Variants in PDE4D observed in about 807,000 individuals in gnomAD.
The protein encoded by PDE4D is phosphodiesterase 4D, also known as 3',5'-cyclic-AMP phosphodiesterase 4D.
A neutral mutation model predicts 87.4 loss-of-function variants in PDE4D; 24 were observed. The ratio of observed to expected loss-of-function variants is 0.27; its 90% confidence interval spans 0.20 to 0.39. The LOEUF (loss-of-function observed/expected upper bound fraction) is 0.39. Among genes scored for constraint, PDE4D ranks in the 10% least tolerant of loss-of-function variants. The probability of loss-of-function intolerance (pLI) is 1.00; values close to 1 mark genes in which losing one functional copy is unlikely to be tolerated. For missense variants in PDE4D, 714 were observed against 1,041.0 expected, an observed-to-expected ratio of 0.69 and a Z score of 4.32; for synonymous variants, 384 against 383.2, an observed-to-expected ratio of 1.00 and a Z score of -0.02.
chr5:60,250,942 G>T (rs1748368595), intron 1 of PDE4D, among the ~76,000 whole-genome samples: 1 of 151,920 alleles, frequency 6.6e-6, no homozygotes. Context: ...GAAGGTGAAA[G>T]ACAGTGATAT....
At chr5:60,316,738 G>A (rs1157693587) in intron 1 of PDE4D, among the ~76,000 whole-genome samples, 1 of 152,122 alleles carries the variant, frequency 6.6e-6, no homozygotes, top group Non-Finnish European at 1.5e-5. Flanking sequence ...TGCATCTATT[G>A]AGATAATCAT....
Position 60,073,091 on chromosome 5 carries a change from G to C in PDE4D, c.43-84374C>G, listed in dbSNP as rs1185650734. On this transcript the variant is annotated intron_variant, in intron 2 of 16. Coordinates refer to the PDE4D transcript ENST00000502484. ...GAAAGGGCGTCTTTGTCTTGTGCTG[G>C]TTTTCAAGTGGAATGCTTCAAGCTT... Among the ~76,000 whole-genome samples the C allele has an allele frequency of 2.0e-5, 3 of 152,114 alleles. No homozygotes were observed. In the East Asian group the frequency reaches 5.8e-4, roughly 29 times the overall value.
intron 1 of PDE4D, among the ~76,000 whole-genome samples, chr5:59,588,011 G>A (rs905900662): frequency 4.6e-5 from 7 of 152,140 alleles, no homozygotes; most frequent in Non-Finnish European, 1.0e-4. Flanking sequence ...AAAAAGCACC[G>A]GGGTGGGGAA....
At chr5:59,467,511 T>A (rs1028331585) in intron 1 of PDE4D, among the ~76,000 whole-genome samples, 5 of 152,242 alleles carry the variant, frequency 3.3e-5, no homozygotes, top group Non-Finnish European at 7.3e-5. Context: ...TAAATGTTAA[T>A]GTATTTTTAA....
intron 5 of PDE4D, among the ~76,000 whole-genome samples, chr5:59,126,144 A>G (rs1164608753): frequency 6.6e-6 from 1 of 151,948 alleles, no homozygotes; most frequent in Non-Finnish European, 1.5e-5. Context: ...CAAGGAAGAA[A>G]GGAAAAAAGG....
intron 1 of PDE4D, among the ~76,000 whole-genome samples, chr5:59,246,258 C>A (rs1561801816): frequency 6.6e-6 from 1 of 151,964 alleles, no homozygotes; most frequent in Non-Finnish European, 1.5e-5. Context: ...CTGAGGCAAA[C>A]CTCTCTGAGG....
chr5:59,077,578 C>T (rs1206421999), intron 5 of PDE4D, among the ~76,000 whole-genome samples: 1 of 150,772 alleles, frequency 6.6e-6, no homozygotes, highest in Non-Finnish European at 1.5e-5. Flanking sequence ...TAGGGATTCT[C>T]TGCATCAGCC....
At chr5:59,078,509 CT>C (rs542270740) in intron 5 of PDE4D, among the ~76,000 whole-genome samples, 415 of 135,722 alleles carry the variant, frequency 3.1e-3, no homozygotes, top group Middle Eastern at 3.7e-3. Context: ...AGGTAGGACT[CT>C]TTTTTTTTTT....
At chr5:60,077,845 G>T (rs1442852075) in intron 2 of PDE4D, among the ~76,000 whole-genome samples, 1 of 152,160 alleles carries the variant, frequency 6.6e-6, no homozygotes, top group Non-Finnish European at 1.5e-5. Context: ...AGATCCATGC[G>T]AGAGTGGATC....
chr5:59,740,337 T>C (rs1252657626), intron 1 of PDE4D, among the ~76,000 whole-genome samples: 1 of 152,196 alleles, frequency 6.6e-6, no homozygotes, highest in African/African-American at 2.4e-5. Flanking sequence ...CCTGGAACAG[T>C]CATCCTTTTT....
At chr5:59,796,311 GA>G (rs1223758201) in intron 1 of PDE4D, among the ~76,000 whole-genome samples, 1 of 151,872 alleles carries the variant, frequency 6.6e-6, no homozygotes, top group Non-Finnish European at 1.5e-5. Flanking sequence ...TCTAGAAAAG[GA>G]AAAAAAATGA....
rs1001262053 is a variant in PDE4D at position 60,195,229 on chromosome 5, T to A, written c.-89-9542A>T. ...GCCAGCCTGACCTAACATCCCTTTT[T>A]ACTCCCTCCATAATGCCTCCTGAAT... On this transcript the variant is annotated intron_variant, in intron 1 of 16. Coordinates refer to the PDE4D transcript ENST00000502484. Among the ~76,000 whole-genome samples the A allele has an allele frequency of 2.0e-5, 3 of 151,650 alleles. 1 individual carries two copies. In the South Asian group the frequency reaches 6.2e-4, roughly 32 times the overall value.
chr5:59,380,690 T>A (rs536824685), intron 1 of PDE4D, among the ~76,000 whole-genome samples: 47 of 152,334 alleles, frequency 3.1e-4, no homozygotes, highest in African/African-American at 1.1e-3. Context: ...GAGAAGTTCA[T>A]ATCTTGTTTC....
chr5:59,016,156 T>A (rs1351834832), intron 6 of PDE4D, among the ~76,000 whole-genome samples: 1 of 152,100 alleles, frequency 6.6e-6, no homozygotes. Flanking sequence ...AGGGATAGCA[T>A]TAGGAGATAT....
intron 2 of PDE4D, among the ~76,000 whole-genome samples, chr5:60,029,581 C>G (rs1766999206): frequency 1.3e-5 from 2 of 152,176 alleles, no homozygotes; most frequent in South Asian, 4.1e-4. Flanking sequence ...ATTGTCAGGA[C>G]TTCCTGAGGC....
intron 2 of PDE4D, among the ~76,000 whole-genome samples, chr5:60,012,029 TA>T (rs752741804): frequency 2.6e-5 from 4 of 151,556 alleles, no homozygotes; most frequent in Non-Finnish European, 4.4e-5. Flanking sequence ...TGCATGAAAG[TA>T]GGACTCATAT....
intron 1 of PDE4D, among the ~76,000 whole-genome samples, chr5:60,239,310 A>G (rs1428492059): frequency 6.6e-6 from 1 of 152,112 alleles, no homozygotes; most frequent in Non-Finnish European, 1.5e-5. Context: ...TGCTGCTCCA[A>G]TATCCCAATG....
chr5:60,093,154 T>C (rs1269156161), intron 2 of PDE4D, among the ~76,000 whole-genome samples: 2 of 152,170 alleles, frequency 1.3e-5, no homozygotes, highest in Admixed American at 1.3e-4. Flanking sequence ...TGAAGTGATA[T>C]TGCCATCAAA....
intron 2 of PDE4D, among the ~76,000 whole-genome samples, chr5:60,077,459 C>T (rs1209094283): frequency 2.0e-5 from 3 of 152,122 alleles, no homozygotes; most frequent in Admixed American, 2.0e-4. Context: ...TCAGGCCTAA[C>T]CCACTAGAAC....
Sources: gnomAD v4.1 joint callset for allele counts (sites outside exome capture counted in the v4.1 genomes callset) on GRCh38, gnomAD v4.1.1 for gene constraint, MANE v1.5 for transcripts, NCBI Gene and HGNC (gene_info 2026-07-23, HGNC 2026-07-21) for gene names.